Variants in AGAP1 observed in about 807,000 individuals in gnomAD.
AGAP1 encodes ArfGAP with GTPase domain, ankyrin repeat and PH domain 1, also known as arf-GAP with GTPase, ANK repeat and PH domain-containing protein 1.
AGAP1 carries 29 observed loss-of-function variants against 105.3 expected under a neutral mutation model. The observed-to-expected ratio is 0.28, with a 90% CI of 0.21 to 0.38. The LOEUF (loss-of-function observed/expected upper bound fraction) is 0.38, where lower values mean the gene tolerates loss of function less well. Among genes scored for constraint, AGAP1 ranks in the 10% least tolerant of loss-of-function variants. The pLI is 1.00. For synonymous variants in AGAP1, 509 were observed against 485.9 expected (o/e 1.05, Z -0.63); for missense variants, 998 against 1,165.1 (o/e 0.86, Z 2.09).
At chr2:235,880,910 C>T (rs2049990412) in intron 9 of AGAP1, among the ~76,000 whole-genome samples, 1 of 152,150 alleles carries the variant, frequency 6.6e-6, no homozygotes, top group South Asian at 2.1e-4. Context: ...TGCAAGGAAG[C>T]CCTTATTGTC....
intron 1 of AGAP1, among the ~76,000 whole-genome samples, chr2:235,634,415 A>G (rs989143459): frequency 4.6e-5 from 7 of 152,320 alleles, no homozygotes; most frequent in African/African-American, 1.7e-4. Flanking sequence ...AAGGTTCCCA[A>G]GGGCATCCCT....
chr2:235,909,594 C>T (rs772426905), intron 11 of AGAP1, among the ~76,000 whole-genome samples: 10 of 152,204 alleles, frequency 6.6e-5, no homozygotes, highest in African/African-American at 2.2e-4. Flanking sequence ...GGAGAAGATC[C>T]TCTTGAGCCC....
intron 13 of AGAP1, among the ~76,000 whole-genome samples, chr2:235,975,645 T>G (rs1575943390): frequency 6.6e-6 from 1 of 152,286 alleles, no homozygotes; most frequent in South Asian, 2.1e-4. Context: ...ACCTTCCAGG[T>G]TTATATCCAG....
At chr2:236,074,409 ACT>A (rs1386508035) in intron 16 of AGAP1, among the ~76,000 whole-genome samples, 7 of 152,140 alleles carry the variant, frequency 4.6e-5, no homozygotes, top group East Asian at 3.9e-4. Context: ...TTCTGTGCAC[ACT>A]CTGCACTCTG....
At chr2:235,794,196 T>G (rs1289511903) in intron 6 of AGAP1, among the ~76,000 whole-genome samples, 3 of 152,120 alleles carry the variant, frequency 2.0e-5, no homozygotes, top group African/African-American at 7.2e-5. Context: ...ACTTGCACAG[T>G]TGAAGGGGCT....
Position 236,121,564 on chromosome 2 carries a change from G to T in AGAP1, c.2370+1117G>T, listed in dbSNP as rs530064141. Among the ~76,000 whole-genome samples, 1 of 152,156 alleles carries T rather than the reference G, an allele frequency of 6.6e-6. No individual in the cohort carries two copies. Among genetic ancestry groups the T allele is most frequent in the Non-Finnish European group, 1.5e-5 (1 of 68,016 alleles). On this transcript the variant is annotated intron_variant, in intron 17 of 17. Coordinates refer to ENST00000304032, the MANE Select transcript of AGAP1 (RefSeq NM_001037131.3). The surrounding 1 kb of genome is among the most constrained non-coding windows in gnomAD (Gnocchi z 4.9). ...TCCACCCGCCTCGGCCTCCCAAAGT[G>T]CTGGGAGTACAGGCATGACCCACCA...
At chr2:235,539,091 T>C (rs1215047357) in intron 1 of AGAP1, among the ~76,000 whole-genome samples, 1 of 152,180 alleles carries the variant, frequency 6.6e-6, no homozygotes, top group African/African-American at 2.4e-5. Context: ...CGTGCCTACC[T>C]GCCTTTTCCT....
chr2:235,766,233 T>C (rs1954941436), intron 6 of AGAP1, among the ~76,000 whole-genome samples: 1 of 152,236 alleles, frequency 6.6e-6, no homozygotes, highest in Admixed American at 6.5e-5. Flanking sequence ...CGATTATTTT[T>C]ATAAGCTAAC....
chr2:235,726,937 C>T (rs1575240122), intron 3 of AGAP1, among the ~76,000 whole-genome samples: 1 of 152,310 alleles, frequency 6.6e-6, no homozygotes, highest in Non-Finnish European at 1.5e-5. Context: ...TCCCCCATTT[C>T]TTGCCTGTGT....
Position 235,830,754 on chromosome 2 carries a change from A to C in AGAP1, c.1050+23423A>C, listed in dbSNP as rs1422510291. On this transcript the variant is annotated intron_variant, in intron 9 of 17. Coordinates refer to ENST00000304032, the MANE Select transcript of AGAP1 (RefSeq NM_001037131.3). This position sits in a 1 kb window ranked among gnomAD's most constrained non-coding sequence, Gnocchi z 5.5. ...ACAGCAGGTGGAAAATGCATTTATA[A>C]GATATTTCTTCCTCGGAATTTTTAA... Among the ~76,000 whole-genome samples, 2 of 152,150 alleles carry C rather than the reference A, an allele frequency of 1.3e-5. No individual in the cohort carries two copies. The highest frequency in any genetic ancestry group is 2.9e-5 in the Non-Finnish European group (2 of 68,032).
intron 6 of AGAP1, among the ~76,000 whole-genome samples, chr2:235,791,901 C>A (rs1956999286): frequency 6.6e-6 from 1 of 152,114 alleles, no homozygotes; most frequent in Non-Finnish European, 1.5e-5. Flanking sequence ...GTGGAGACAC[C>A]AAAGACAGAG....
intron 1 of AGAP1, among the ~76,000 whole-genome samples, chr2:235,512,071 A>T (rs1447151220): frequency 8.1e-6 from 1 of 123,770 alleles, no homozygotes; most frequent in Non-Finnish European, 1.7e-5. Flanking sequence ...GTATGTGTGA[A>T]TGTGAATGCG....
At position 235,919,964 on chromosome 2, in the gene AGAP1, C is replaced by T. The variant is rs2052096189; in HGVS notation, c.1325-10801C>T. On this transcript the variant is annotated intron_variant, in intron 11 of 17. Coordinates refer to ENST00000304032, the MANE Select transcript of AGAP1 (RefSeq NM_001037131.3). This position sits in a 1 kb window ranked among gnomAD's most constrained non-coding sequence, Gnocchi z 4.1. ...AACACTGTCGGAATCTGGAGCAGCA[C>T]GTGTTCCTTCAGCAGATAAAAATGG... 6.6e-6 allele frequency among the ~76,000 whole-genome samples: 1 copy of T among 152,176 alleles called. No homozygotes were observed. Among genetic ancestry groups the T allele is most frequent in the African/African-American group, 2.4e-5 (1 of 41,446 alleles).
Position 235,934,693 on chromosome 2 carries a change from G to A in AGAP1, c.1483+3770G>A, listed in dbSNP as rs1170978358. ...TCCCCCCTGCCCCCACTTCCTTTTC[G>A]AATGTATCTGCCCCCATCCCTAGTC... On this transcript the variant is annotated intron_variant, in intron 12 of 17. Coordinates refer to ENST00000304032, the MANE Select transcript of AGAP1 (RefSeq NM_001037131.3). This position sits in a 1 kb window ranked among gnomAD's most constrained non-coding sequence, Gnocchi z 4.9. Among the ~76,000 whole-genome samples the A allele has an allele frequency of 4.0e-5, 6 of 151,222 alleles. No homozygotes were observed. The highest frequency in any genetic ancestry group is 2.0e-4 in the East Asian group (1 of 5,122).
In AGAP1 at chr2:236,042,384, A is replaced by T. The variant is rs762078185; in HGVS notation, c.1891+1543A>T. Among the ~76,000 whole-genome samples the T allele has an allele frequency of 2.0e-5, 3 of 152,196 alleles. No individual in the cohort carries two copies. The highest frequency in any genetic ancestry group is 4.8e-5 in the African/African-American group (2 of 41,452). On this transcript the variant is annotated intron_variant, in intron 15 of 17. Coordinates refer to ENST00000304032, the MANE Select transcript of AGAP1 (RefSeq NM_001037131.3). The surrounding 1 kb of genome is among the most constrained non-coding windows in gnomAD (Gnocchi z 5.6). Reference sequence around the variant, plus strand: ...TGAGGGAAGGGGTTCTTCTCCAGGTATCTTGAGGTTCTTCTTTAAAGTACC... The same window carrying T: ...TGAGGGAAGGGGTTCTTCTCCAGGTTTCTTGAGGTTCTTCTTTAAAGTACC...
rs1003910137 is a variant in AGAP1, at chr2:236,076,315, G to T, written c.2114+27034G>T. On this transcript the variant is annotated intron_variant, in intron 16 of 17. Coordinates refer to ENST00000304032, the MANE Select transcript of AGAP1 (RefSeq NM_001037131.3). The surrounding 1 kb of genome is among the most constrained non-coding windows in gnomAD (Gnocchi z 4.4). ...ATACAAAAATTAGCCAGGCATGGTG[G>T]CATGAGCCCATAATCCCAGCTACTT... 2.0e-5 allele frequency among the ~76,000 whole-genome samples: 3 copies of T among 152,102 alleles called. No individual in the cohort carries two copies. Among genetic ancestry groups the T allele is most frequent in the Non-Finnish European group, 2.9e-5 (2 of 68,012 alleles).
chr2:235,807,118 G>A (rs376931257), intron 8 of AGAP1, 121 bp from the exon 9 acceptor site: 297 of 912,234 alleles, frequency 3.3e-4, no homozygotes, highest in Middle Eastern at 1.3e-3. Context: ...GTGTCTGTGC[G>A]CACACATAGA....
In AGAP1 at chr2:235,622,393, C is replaced by T. The variant is rs1007053912; in HGVS notation, c.164-86786C>T. Among the ~76,000 whole-genome samples, 8 of 152,196 alleles carry T rather than the reference C, an allele frequency of 5.3e-5. No homozygotes were observed. Among genetic ancestry groups the T allele is most frequent in the East Asian group, 1.9e-4 (1 of 5,182 alleles). ...AGCTCCCTGAGCTTCTTCACGGCCA[C>T]GCTGCTCTCCTGCATGTCCGCCCAT... On this transcript the variant is annotated intron_variant, in intron 1 of 17. Transcript: ENST00000304032. The surrounding 1 kb of genome is among the most constrained non-coding windows in gnomAD (Gnocchi z 5.0).
intron 9 of AGAP1, among the ~76,000 whole-genome samples, chr2:235,812,835 C>A (rs1465118551): frequency 1.3e-5 from 2 of 152,214 alleles, no homozygotes; most frequent in Non-Finnish European, 2.9e-5. Flanking sequence ...GCCCGCCGAG[C>A]GTACGATGTC....
Sources: allele counts gnomAD v4.1 joint callset (sites outside exome capture counted in the v4.1 genomes callset), GRCh38; gene constraint gnomAD v4.1.1; non-coding constraint Gnocchi (gnomAD v3.1); transcripts MANE v1.5; gene names NCBI Gene and HGNC (gene_info 2026-07-23, HGNC 2026-07-21).